Variants in PLD5 observed in about 807,000 individuals in gnomAD.
The protein encoded by PLD5 is inactive phospholipase D5.
In PLD5, 36 loss-of-function variants were observed where a neutral mutation model predicts 61.1. The ratio of observed to expected loss-of-function variants is 0.59; its 90% CI spans 0.45 to 0.78. The LOEUF is 0.78. PLD5 is among the 30% of genes least tolerant of loss of function. The pLI, the probability that PLD5 is intolerant of heterozygous loss-of-function variation, is 0.00. For synonymous variants in PLD5, 243 were observed against 242.8 expected (o/e 1.00, Z -0.01); for missense variants, 515 against 644.4 (o/e 0.80, Z 2.17).
chr1:242,450,328 G>A (rs1666730300), intron 1 of PLD5, among the ~76,000 whole-genome samples: 1 of 152,138 alleles, frequency 6.6e-6, no homozygotes, highest in Non-Finnish European at 1.5e-5. Flanking sequence ...AGGAGGGCAG[G>A]TGCCATGCTT....
intron 1 of PLD5, among the ~76,000 whole-genome samples, chr1:242,408,684 A>G (rs1423394300): frequency 6.6e-6 from 1 of 152,208 alleles, no homozygotes; most frequent in Non-Finnish European, 1.5e-5. Flanking sequence ...ACTGTGAGCC[A>G]AATAAACCTC....
intron 5 of PLD5, among the ~76,000 whole-genome samples, chr1:242,187,983 A>G (rs1668012606): frequency 6.6e-6 from 1 of 152,174 alleles, no homozygotes; most frequent in South Asian, 2.1e-4. Context: ...CTAGAGGGGT[A>G]TGAGAAATTG....
At chr1:242,153,653 A>G (rs898005614) in intron 5 of PLD5, among the ~76,000 whole-genome samples, 4 of 152,296 alleles carry the variant, frequency 2.6e-5, no homozygotes, top group South Asian at 4.1e-4. Flanking sequence ...GTCACAGATC[A>G]GAGGGTTGTA....
rs1441977647 is a variant in PLD5, at chr1:242,413,568, A to C, written c.190-65326T>G. 2.0e-5 allele frequency among the ~76,000 whole-genome samples: 3 copies of C among 152,316 alleles called. No homozygotes were observed. The South Asian group carries it at 6.2e-4, about 32-fold the overall frequency. Reference sequence around the variant, plus strand: ...TTGTCATTCACAGAGATTTGTTCCCACTCACAAACGACTTCCAGTCAAGTG... The same window carrying C: ...TTGTCATTCACAGAGATTTGTTCCCCCTCACAAACGACTTCCAGTCAAGTG... On this transcript the variant is annotated intron_variant, in intron 1 of 9. Transcript: ENST00000536534.
chr1:242,367,733 C>G (rs1661422566), intron 1 of PLD5, among the ~76,000 whole-genome samples: 1 of 152,080 alleles, frequency 6.6e-6, no homozygotes, highest in Non-Finnish European at 1.5e-5. Context: ...GTACTGAACC[C>G]AGCAGTAAAA....
intron 1 of PLD5, among the ~76,000 whole-genome samples, chr1:242,456,161 T>C (rs928185742): frequency 6.6e-6 from 1 of 152,218 alleles, no homozygotes; most frequent in African/African-American, 2.4e-5. Context: ...TTCCCTCCCC[T>C]CCTTACTCCG....
intron 6 of PLD5, among the ~76,000 whole-genome samples, chr1:242,114,647 G>GT (rs1439496973): frequency 6.6e-6 from 1 of 152,200 alleles, no homozygotes; most frequent in African/African-American, 2.4e-5. Flanking sequence ...TGTCAGACGA[G>GT]TGGGGGCATT....
chr1:242,193,832 A>G (rs1458391770), intron 5 of PLD5, among the ~76,000 whole-genome samples: 1 of 152,206 alleles, frequency 6.6e-6, no homozygotes, highest in Non-Finnish European at 1.5e-5. Flanking sequence ...AGGATCAGAT[A>G]AATTAATGCA....
intron 8 of PLD5, among the ~76,000 whole-genome samples, chr1:242,104,321 A>C (rs1229933494): frequency 1.3e-5 from 2 of 149,068 alleles, no homozygotes; most frequent in Non-Finnish European, 3.0e-5. Flanking sequence ...TTTTGTAGAA[A>C]TAGGGTCTTG....
chr1:242,484,536 A>C (rs1667892535), intron 1 of PLD5, among the ~76,000 whole-genome samples: 1 of 152,184 alleles, frequency 6.6e-6, no homozygotes, highest in African/African-American at 2.4e-5. Context: ...GAATAGACCA[A>C]TAACAGGCTC....
At chr1:242,528,481 A>G (rs1361784783), upstream of PLD5, among the ~76,000 whole-genome samples, 1 of 152,230 alleles carries the variant, frequency 6.6e-6, no homozygotes, top group East Asian at 1.9e-4. Flanking sequence ...GATGTCATTG[A>G]CCAGGAATTG....
At chr1:242,443,005 T>C (rs759791527) in intron 1 of PLD5, among the ~76,000 whole-genome samples, 5 of 152,172 alleles carry the variant, frequency 3.3e-5, no homozygotes, top group African/African-American at 4.8e-5. Flanking sequence ...CATTGCAATA[T>C]AGCCTGCCCT....
chr1:242,138,633 C>T (rs1478166265), intron 5 of PLD5, among the ~76,000 whole-genome samples: 3 of 152,180 alleles, frequency 2.0e-5, no homozygotes, highest in Non-Finnish European at 2.9e-5. Context: ...CAACAGTTAA[C>T]AAATATGATC....
At chr1:242,164,028 G>T (rs1666109777) in intron 5 of PLD5, among the ~76,000 whole-genome samples, 2 of 151,948 alleles carry the variant, frequency 1.3e-5, no homozygotes, top group Admixed American at 1.3e-4. Context: ...GGCTTTTTAG[G>T]GAGTCAATTT....
rs568825063 is a variant in PLD5 at position 242,409,670 on chromosome 1, G to A, written c.190-61428C>T. Among the ~76,000 whole-genome samples the A allele has an allele frequency of 2.0e-5, 3 of 152,306 alleles. No individual in the cohort carries two copies. The East Asian group carries it at 5.8e-4, about 29-fold the overall frequency. Reference sequence around the variant, plus strand: ...AGGAAACCAGCCAGTTATATGAGGAGGCTGGAGAAGGCAGTGGCTGATTTG... The same window carrying A: ...AGGAAACCAGCCAGTTATATGAGGAAGCTGGAGAAGGCAGTGGCTGATTTG... On this transcript the variant is annotated intron_variant, in intron 1 of 9. Coordinates refer to ENST00000536534, the MANE Select transcript of PLD5 (RefSeq NM_001372062.1).
chr1:242,417,587 G>A (rs1664901178), intron 1 of PLD5, among the ~76,000 whole-genome samples: 1 of 152,240 alleles, frequency 6.6e-6, no homozygotes. Flanking sequence ...TACCTATGCT[G>A]TTGCTGTTCA....
intron 2 of PLD5, among the ~76,000 whole-genome samples, chr1:242,340,383 T>C (rs1035909023): frequency 1.3e-5 from 2 of 152,112 alleles, no homozygotes; most frequent in Non-Finnish European, 2.9e-5. Flanking sequence ...GTTGGGTTTG[T>C]CAATACAAAG....
rs530904603 is a variant in PLD5, at chr1:242,452,433, A to C, written c.189+71655T>G. Among the ~76,000 whole-genome samples the C allele has an allele frequency of 2.0e-5, 3 of 152,312 alleles. No individual in the cohort carries two copies. In the East Asian group the frequency reaches 5.8e-4, roughly 29 times the overall value. ...ATACCTGGCCTCACAAACCATCAGC[A>C]AGAAAGTTAGGAAGTTCTGGAGAGT... is the stretch of plus-strand genomic sequence containing the variant. On this transcript the variant is annotated intron_variant, in intron 1 of 9. Transcript: ENST00000536534.
chr1:242,398,691 T>C (rs150260022), intron 1 of PLD5, among the ~76,000 whole-genome samples: 129 of 138,596 alleles, frequency 9.3e-4, no homozygotes, highest in African/African-American at 3.2e-3. Context: ...TCTATTGATC[T>C]TACCAGTACA....
Sources: gnomAD v4.1 joint callset for allele counts (sites outside exome capture counted in the v4.1 genomes callset) on GRCh38, gnomAD v4.1.1 for gene constraint, MANE v1.5 for transcripts, NCBI Gene and HGNC (gene_info 2026-07-23, HGNC 2026-07-21) for gene names.